Variants in FHOD3 observed in about 807,000 individuals in gnomAD.
The protein encoded by FHOD3 is FH1/FH2 domain-containing protein 3.
In FHOD3, 90 loss-of-function variants were observed where a neutral mutation model predicts 173.0. The observed-to-expected ratio is 0.52, with a 90% CI of 0.44 to 0.62. FHOD3 has a LOEUF of 0.62. Among genes scored for constraint, FHOD3 ranks in the 20% least tolerant of loss-of-function variants. The pLI is 0.00. For missense variants in FHOD3, 1,945 were observed against 2,034.7 expected (o/e 0.96, Z 0.85); for synonymous variants, 828 against 823.0 (o/e 1.01, Z -0.10).
chr18:36,564,399 G>A (rs188951890), intron 5 of FHOD3, among the ~76,000 whole-genome samples: 95 of 152,218 alleles, frequency 6.2e-4, no homozygotes, highest in African/African-American at 2.1e-3. Context: ...AAAATATGGG[G>A]GACTGTAGAA....
rs1447627164 is a variant in FHOD3 at position 36,769,165 on chromosome 18, T to G, written c.4625-100T>G. ...TTTAACTCTGGCCTTCCCTGTGATCTGTTGCTGAAAGAACTCAACTGCTTG... is the reference window on the plus strand; with the variant it reads ...TTTAACTCTGGCCTTCCCTGTGATCGGTTGCTGAAAGAACTCAACTGCTTG... On this transcript the variant is annotated intron_variant, in intron 27 of 28. Transcript: ENST00000590592. The G allele has an allele frequency of 3.4e-5, 47 of 1,390,408 alleles. No individual in the cohort carries two copies. The East Asian group carries it at 1.1e-3, about 32-fold the overall frequency. 86.1% of individuals were successfully genotyped at this position (1,390,408 alleles called of 1,614,324 possible). A position where few individuals can be genotyped will look rare whatever the true frequency, so the allele number is the denominator to read the frequency against.
intron 10 of FHOD3, among the ~76,000 whole-genome samples, chr18:36,639,962 TTGTAC>T (rs2035189945): frequency 6.6e-6 from 1 of 152,174 alleles, no homozygotes; most frequent in Non-Finnish European, 1.5e-5. Context: ...CTGTTGATGT[TTGTAC>T]TCTGCAGACT....
At chr18:36,327,437 C>A (rs957557886) in intron 1 of FHOD3, among the ~76,000 whole-genome samples, 15 of 152,216 alleles carry the variant, frequency 9.9e-5, no homozygotes, top group Non-Finnish European at 1.5e-4. Context: ...TACTTTTGCA[C>A]CCATCTAATA....
intron 2 of FHOD3, 60 bp from the exon 3 acceptor site, chr18:36,372,620 G>A: frequency 7.0e-7 from 1 of 1,432,410 alleles, no homozygotes; most frequent in African/African-American, 1.4e-5. Context: ...TGGATTGACA[G>A]CATGTGAGGT....
chr18:36,684,274 A>G (rs2038452491), intron 15 of FHOD3, among the ~76,000 whole-genome samples: 1 of 152,258 alleles, frequency 6.6e-6, no homozygotes, highest in African/African-American at 2.4e-5. Flanking sequence ...AAGACCTCAA[A>G]TCTCATTACA....
intron 6 of FHOD3, among the ~76,000 whole-genome samples, chr18:36,578,607 AT>A (rs2058740442): frequency 6.6e-6 from 1 of 152,140 alleles, no homozygotes; most frequent in Non-Finnish European, 1.5e-5. Flanking sequence ...TGGGGAGTCC[AT>A]CCCCTGGCCC....
chr18:36,689,083 G>A (rs542080775), intron 16 of FHOD3, among the ~76,000 whole-genome samples: 1 of 152,154 alleles, frequency 6.6e-6, no homozygotes, highest in Non-Finnish European at 1.5e-5. Context: ...CCTTTGGTTT[G>A]GCTCAGCCAT....
chr18:36,552,171 A>G (rs569531404), intron 5 of FHOD3, among the ~76,000 whole-genome samples: 1 of 152,044 alleles, frequency 6.6e-6, no homozygotes, highest in Non-Finnish European at 1.5e-5. Context: ...CTTTTATTTC[A>G]TTGAGCAGTG....
At chr18:36,369,703 A>G (rs1057248256) in intron 2 of FHOD3, among the ~76,000 whole-genome samples, 2 of 152,162 alleles carry the variant, frequency 1.3e-5, no homozygotes, top group African/African-American at 4.8e-5. Flanking sequence ...TTATTTTTAC[A>G]TATTGCATAA....
chr18:36,628,119 G>T (rs2034250093), intron 10 of FHOD3, among the ~76,000 whole-genome samples: 1 of 152,144 alleles, frequency 6.6e-6, no homozygotes, highest in South Asian at 2.1e-4. Flanking sequence ...AAAAAATATA[G>T]GGCAGTCTCC....
At chr18:36,623,952 A>G (rs865814205) in intron 9 of FHOD3, among the ~76,000 whole-genome samples, 12 of 152,342 alleles carry the variant, frequency 7.9e-5, no homozygotes, top group Middle Eastern at 6.8e-3. Context: ...TTTTCTGCAC[A>G]TAGGTGATGT....
At chr18:36,700,000 C>T (rs1186781782) in intron 17 of FHOD3, among the ~76,000 whole-genome samples, 5 of 152,100 alleles carry the variant, frequency 3.3e-5, no homozygotes, top group Non-Finnish European at 5.9e-5. Flanking sequence ...CCTTTTGAGT[C>T]GCGTGCATTT....
intron 17 of FHOD3, among the ~76,000 whole-genome samples, chr18:36,701,715 AAC>A (rs1329548314): frequency 2.0e-5 from 3 of 152,194 alleles, no homozygotes; most frequent in Admixed American, 6.5e-5. Context: ...ATTTGGGGGT[AAC>A]ACAGCCCATG....
intron 14 of FHOD3, among the ~76,000 whole-genome samples, chr18:36,666,230 A>G (rs1274785939): frequency 6.6e-6 from 1 of 152,246 alleles, no homozygotes. Flanking sequence ...GCTGGAGAAT[A>G]GAAAGCAAGA....
At chr18:36,662,050 A>C (rs1048452233) in intron 14 of FHOD3, among the ~76,000 whole-genome samples, 1 of 152,244 alleles carries the variant, frequency 6.6e-6, no homozygotes, top group South Asian at 2.1e-4. Flanking sequence ...AGAAAATAAA[A>C]CTACAGGAAT....
intron 17 of FHOD3, among the ~76,000 whole-genome samples, chr18:36,697,394 T>G (rs2039344491): frequency 6.6e-6 from 1 of 152,164 alleles, no homozygotes; most frequent in Non-Finnish European, 1.5e-5. Context: ...CTGTCAAGAA[T>G]TTAGAAGTGG....
chr18:36,735,978 A>G (rs1210150153), intron 20 of FHOD3, among the ~76,000 whole-genome samples: 3 of 152,262 alleles, frequency 2.0e-5, no homozygotes, highest in African/African-American at 7.2e-5. Context: ...ACTTAGAGCA[A>G]TGCTGGAGAG....
At chr18:36,769,151 C>G (rs2043266480) in intron 27 of FHOD3, 114 bp from the exon 28 acceptor site, 1 of 1,257,440 alleles carries the variant, frequency 8.0e-7, no homozygotes, top group Admixed American at 2.0e-5. Flanking sequence ...TTAACTCTGG[C>G]CTTCCCTGTG....
chr18:36,485,087 G>A (rs181268606), intron 3 of FHOD3, among the ~76,000 whole-genome samples: 196 of 152,304 alleles, frequency 1.3e-3, no homozygotes, highest in African/African-American at 4.5e-3. Context: ...GCATTTGGGG[G>A]TGGATGGGTG....
Sources: allele counts gnomAD v4.1 joint callset (sites outside exome capture counted in the v4.1 genomes callset), GRCh38; gene constraint gnomAD v4.1.1; transcripts MANE v1.5; gene names NCBI Gene and HGNC (gene_info 2026-07-23, HGNC 2026-07-21).